The following DLGAP4 variants were observed in gnomAD, a reference collection of about 807,000 sequenced individuals.
DLGAP4 encodes disks large-associated protein 4.
DLGAP4 carries 18 observed loss-of-function variants against 86.9 expected under a neutral mutation model. The observed-to-expected ratio is 0.21, with a 90% confidence interval of 0.14 to 0.31. The LOEUF is 0.31. Among genes scored for constraint, DLGAP4 ranks in the 10% least tolerant of loss-of-function variants. DLGAP4 has a pLI of 1.00. For missense variants in DLGAP4, 1,085 were observed against 1,362.6 expected, an observed-to-expected ratio of 0.80 and a Z score of 3.21; for synonymous variants, 548 against 574.3, an observed-to-expected ratio of 0.95 and a Z score of 0.65.
intron 1 of DLGAP4, among the ~76,000 whole-genome samples, chr20:36,317,251 C>CTT (rs1416169983): frequency 1.8e-5 from 1 of 54,810 alleles, no homozygotes; most frequent in Non-Finnish European, 3.2e-5. Flanking sequence ...TTCTTTCTTT[C>CTT]TTTCTTTCTT....
intron 7 of DLGAP4, among the ~76,000 whole-genome samples, chr20:36,457,829 G>T (rs1324528190): frequency 1.3e-5 from 2 of 151,054 alleles, no homozygotes; most frequent in Non-Finnish European, 2.9e-5. Context: ...TAGTAAAGGG[G>T]ATTTCACCAT....
intron 10 of DLGAP4, among the ~76,000 whole-genome samples, chr20:36,515,542 C>T (rs1192409627): frequency 1.3e-5 from 2 of 152,102 alleles, no homozygotes; most frequent in Admixed American, 1.3e-4. Flanking sequence ...TATTTAGGTT[C>T]ATTCTTACCA....
intron 2 of DLGAP4, among the ~76,000 whole-genome samples, chr20:36,398,474 T>C (rs2032062263): frequency 6.6e-6 from 1 of 152,092 alleles, no homozygotes; most frequent in Non-Finnish European, 1.5e-5. Flanking sequence ...CTGGTGGAGG[T>C]GGCAGGGTCA....
chr20:36,308,708 C>T lies in DLGAP4; in HGVS notation c.-304+2196C>T, dbSNP rs1272752664. Among the ~76,000 whole-genome samples, 1 of 152,282 alleles carries T rather than the reference C, an allele frequency of 6.6e-6. No individual in the cohort carries two copies. Among genetic ancestry groups the T allele is most frequent in the African/African-American group, 2.4e-5 (1 of 41,546 alleles). On this transcript the variant is annotated intron_variant, in intron 1 of 12. Transcript: ENST00000339266. The surrounding 1 kb of genome is among the most constrained non-coding windows in gnomAD (Gnocchi z 4.5). The stretch of plus-strand genomic sequence containing the variant: ...CACATGATGGGGAGGCTCTGAGGAA[C>T]TGTATCCCGGGCACCGTATGTGACA...
intron 1 of DLGAP4, among the ~76,000 whole-genome samples, chr20:36,342,437 C>CA (rs2065392591): frequency 6.6e-6 from 1 of 152,168 alleles, no homozygotes; most frequent in South Asian, 2.1e-4. Flanking sequence ...CTGGAGGCCT[C>CA]AGCCCAGTAG....
intron 1 of DLGAP4, among the ~76,000 whole-genome samples, chr20:36,332,638 C>T (rs1326793077): frequency 3.3e-5 from 5 of 152,102 alleles, no homozygotes; most frequent in Non-Finnish European, 7.4e-5. Flanking sequence ...GATCCGCCCG[C>T]CTGTGCCATC....
At chr20:36,461,700 G>C (rs1270242161) in intron 7 of DLGAP4, 2 of 521,136 alleles carry the variant, frequency 3.8e-6, no homozygotes, top group Non-Finnish European at 4.3e-6. Context: ...CCCCGCCCTC[G>C]CCCTCCTCCT....
Position 36,496,865 on chromosome 20 carries a change from G to A in DLGAP4, c.1809G>A (p.Ser603=), listed in dbSNP as rs771709274. 7 of 1,614,174 alleles carry A rather than the reference G, an allele frequency of 4.3e-6. No homozygotes were observed. Among genetic ancestry groups the A allele is most frequent in the Middle Eastern group, 1.6e-4 (1 of 6,062 alleles). ...QDHKSEVTSQ[S]GLSNSSDSLD... ...ACAAGAGCGAGGTGACTAGCCAGTC[G>A]GGCCTGAGCAACTCGTCGGACAGCC... Residue 603 remains serine (S), a synonymous_variant, in exon 8 of 13, where the codon TCG becomes TCA. Transcript: ENST00000339266.
At chr20:36,356,675 TAAAAA>T (rs781791220) in intron 1 of DLGAP4, among the ~76,000 whole-genome samples, 2 of 128,746 alleles carry the variant, frequency 1.6e-5, no homozygotes, top group South Asian at 2.6e-4. Flanking sequence ...CCTGTTTTTG[TAAAAA>T]AAAAAAAAAA....
chr20:36,430,414 G>T (rs766734673), intron 2 of DLGAP4, among the ~76,000 whole-genome samples: 1 of 152,170 alleles, frequency 6.6e-6, no homozygotes, highest in Non-Finnish European at 1.5e-5. Context: ...GGCAGAGCAG[G>T]TTTTTGCAGA....
chr20:36,391,492 C>A (rs2031782867), intron 2 of DLGAP4, among the ~76,000 whole-genome samples: 1 of 151,856 alleles, frequency 6.6e-6, no homozygotes, highest in African/African-American at 2.4e-5. Flanking sequence ...ATCACAGTCC[C>A]ACCTGTCACC....
intron 7 of DLGAP4, among the ~76,000 whole-genome samples, chr20:36,491,012 G>A (rs1197764197): frequency 2.0e-5 from 3 of 149,988 alleles, no homozygotes; most frequent in Admixed American, 2.0e-4. Context: ...GACCAACATG[G>A]TGAAACCCCA....
At chr20:36,494,474 T>A (rs769916590) in intron 7 of DLGAP4, among the ~76,000 whole-genome samples, 6 of 152,188 alleles carry the variant, frequency 3.9e-5, no homozygotes, top group Non-Finnish European at 7.3e-5. Context: ...TAAAAAATAA[T>A]ACAAAGGGAT....
intron 1 of DLGAP4, among the ~76,000 whole-genome samples, chr20:36,339,802 T>C (rs1465913951): frequency 6.6e-6 from 1 of 152,190 alleles, no homozygotes; most frequent in Non-Finnish European, 1.5e-5. Context: ...CTGTGTTTCC[T>C]GTGGAGAGGC....
chr20:36,324,784 G>A (rs1360432864), intron 1 of DLGAP4, among the ~76,000 whole-genome samples: 1 of 152,174 alleles, frequency 6.6e-6, no homozygotes, highest in Non-Finnish European at 1.5e-5. Context: ...AGACTCTGTA[G>A]TGATGTGACC....
At chr20:36,499,067 A>C (rs886505398) in intron 8 of DLGAP4, 3 of 628,304 alleles carry the variant, frequency 4.8e-6, no homozygotes, top group African/African-American at 3.7e-5. Flanking sequence ...CCCTTAGTGC[A>C]GGCGCCTCTG....
chr20:36,522,486 A>G (rs1285362793), intron 10 of DLGAP4, among the ~76,000 whole-genome samples: 1 of 151,772 alleles, frequency 6.6e-6, no homozygotes. Context: ...CAAATAAGAG[A>G]TTATTTCAAA....
chr20:36,314,369 T>TGTGGA (rs2065079655), intron 1 of DLGAP4, among the ~76,000 whole-genome samples: 2 of 24 alleles, frequency 0.083, no homozygotes, highest in African/African-American at 0.2. Context: ...GGTGTGTGTG[T>TGTGGA]GGNNNNNNNN....
Position 36,528,456 on chromosome 20 carries a change from G to A in DLGAP4, c.*1425G>A, listed in dbSNP as rs560332168. 3,809 of 78,228 alleles carry A rather than the reference G, an allele frequency of 0.049. 178 individuals carry two copies. Among genetic ancestry groups the A allele is most frequent in the African/African-American group, 0.17 (3,520 of 21,162 alleles). The allele number at this position is 78,228 out of a possible 1,614,324, so 4.8% of individuals were successfully genotyped here. On this transcript the variant is annotated 3_prime_UTR_variant, in exon 13 of 13. Transcript: ENST00000339266. The stretch of plus-strand genomic sequence containing the variant: ...TTGCTGCAGGGGGGGACCCCCCCCC[G>A]TCCCCAGGTGAACCAAGGGTCTGCT...
Sources: gnomAD v4.1 joint callset for allele counts (sites outside exome capture counted in the v4.1 genomes callset) on GRCh38, gnomAD v4.1.1 for gene constraint, Gnocchi (gnomAD v3.1) non-coding constraint, MANE v1.5 for transcripts, NCBI Gene and HGNC (gene_info 2026-07-23, HGNC 2026-07-21) for gene names.